Variants in TRPM1 observed in about 807,000 individuals in gnomAD.
TRPM1 encodes transient receptor potential cation channel subfamily M member 1, also known as TRPM1-203 APA Isoform, Intron 10.
TRPM1 carries 113 observed loss-of-function variants against 149.4 expected under a neutral mutation model. That is an observed-to-expected ratio of 0.76 (90% CI 0.65 to 0.88). TRPM1 has a LOEUF of 0.88. Ranked by LOEUF, TRPM1 falls within the 40% of genes least tolerant of loss-of-function variation. The pLI, the probability that TRPM1 is intolerant of heterozygous loss-of-function variation, is 0.00. For missense variants in TRPM1, 1,976 were observed against 2,038.7 expected, an observed-to-expected ratio of 0.97 and a Z score of 0.59; for synonymous variants, 741 against 759.5, an observed-to-expected ratio of 0.98 and a Z score of 0.40.
chr15:31,084,356 C>T (rs1313770920), intron 1 of TRPM1, among the ~76,000 whole-genome samples: 2 of 152,158 alleles, frequency 1.3e-5, no homozygotes, highest in Admixed American at 1.3e-4. Flanking sequence ...AGCAGTCACT[C>T]CTCATTCCTC....
intron 8 of TRPM1, 167 bp from the exon 9 acceptor site, chr15:31,062,869 T>A (rs1017992802): frequency 9.9e-7 from 1 of 1,009,332 alleles, no homozygotes; most frequent in South Asian, 1.4e-5. Flanking sequence ...TTGTCCTAAA[T>A]TCCAGCTTTG....
rs2033156144 is a variant in TRPM1, at chr15:31,032,829, G to T, written c.2812C>A (p.Leu938Ile). Reference sequence around the variant, plus strand: ...ATGTAGGGCTGGTTCTGTAGGCGAAGAATTGCTCCAATCATGAATGTGGAA... The same window carrying T: ...ATGTAGGGCTGGTTCTGTAGGCGAATAATTGCTCCAATCATGAATGTGGAA... Reference protein sequence around the residue: ...AISTFMIGAILRLQNQPYMGY... With the variant: ...AISTFMIGAIIRLQNQPYMGY... The change falls in exon 22 of 28, where the codon CTT becomes ATT. Residue 938 changes from leucine to isoleucine, a missense_variant. Leu to Ile is a conservative substitution (Grantham distance 5, BLOSUM62 2). This residue lies in a region of TRPM1 where 1,332 missense variants were observed against 1,347.1 expected (regional missense o/e 0.99). Transcript: ENST00000256552. 6.2e-7 allele frequency: 1 copy of T among 1,614,208 alleles called. No individual in the cohort carries two copies. Among genetic ancestry groups the T allele is most frequent in the East Asian group, 2.2e-5 (1 of 44,884 alleles).
chr15:31,079,974 C>A (rs1192052234), intron 2 of TRPM1, among the ~76,000 whole-genome samples: 1 of 152,120 alleles, frequency 6.6e-6, no homozygotes, highest in Non-Finnish European at 1.5e-5. Flanking sequence ...CTTGAAGGGG[C>A]TCCCAGTGGC....
In TRPM1 at chr15:31,101,609, C is replaced by T. The variant is rs963528930; in HGVS notation, c.-84+48G>A. 7 of 975,690 alleles carry T rather than the reference C, an allele frequency of 7.2e-6. No individual in the cohort carries two copies. In the African/African-American group the frequency reaches 1.2e-4, roughly 17 times the overall value. The allele number at this position is 975,690 out of a possible 1,614,324, so 60.4% of individuals were successfully genotyped here. A position where few individuals can be genotyped will look rare whatever the true frequency, so the allele number is the denominator to read the frequency against. On this transcript the variant is annotated intron_variant, in intron 1 of 27. Coordinates refer to ENST00000256552, the MANE Select transcript of TRPM1 (RefSeq NM_001252024.2). ...TTGAGTTTACCCACACCTGAGGATACCTGCACCTGACCTCCCTTCACCTGT... is the reference window on the plus strand; with the variant it reads ...TTGAGTTTACCCACACCTGAGGATATCTGCACCTGACCTCCCTTCACCTGT...
chr15:31,091,272 C>T (rs900889385), intron 1 of TRPM1, among the ~76,000 whole-genome samples: 1 of 152,224 alleles, frequency 6.6e-6, no homozygotes, highest in Non-Finnish European at 1.5e-5. Flanking sequence ...GAACTCACAG[C>T]CCTAACAGTG....
intron 10 of TRPM1, 23 bp from the exon 11 acceptor site, chr15:31,060,667 T>C (rs1473609585): frequency 1.2e-6 from 2 of 1,606,674 alleles, no homozygotes; most frequent in African/African-American, 2.7e-5. Context: ...GAAACCGGAA[T>C]GATTTTTCAC....
chr15:31,090,223 T>G (rs543027119), intron 1 of TRPM1, among the ~76,000 whole-genome samples: 185 of 152,262 alleles, frequency 1.2e-3, no homozygotes, highest in Non-Finnish European at 1.4e-3. Context: ...ATGGGAGTCT[T>G]TTTGAGCCAT....
At chr15:31,113,197 G>GC (rs1363682636) in intron 1 of TRPM1, among the ~76,000 whole-genome samples, 6 of 152,164 alleles carry the variant, frequency 3.9e-5, no homozygotes, top group Admixed American at 2.6e-4. Flanking sequence ...TCCAGCTGGT[G>GC]AATGGTAACT....
intron 1 of TRPM1, among the ~76,000 whole-genome samples, chr15:31,112,563 C>T (rs2035704876): frequency 6.6e-6 from 1 of 152,166 alleles, no homozygotes; most frequent in African/African-American, 2.4e-5. Context: ...TCATGGTGCC[C>T]AGCTCCTTCC....
chr15:31,026,994 G>C lies in TRPM1; in HGVS notation c.3417C>G (p.Ile1139Met), dbSNP rs772795488. 2 of 1,614,174 alleles carry C rather than the reference G, an allele frequency of 1.2e-6. No homozygotes were observed. Among genetic ancestry groups the C allele is most frequent in the Non-Finnish European group, 1.7e-6 (2 of 1,180,038 alleles). ...LPPPMIILSH[I>M]YIIIMRLSGR... Reference sequence around the variant, plus strand: ...CGCTGAGACGCATAATGATGATGTAGATGTGGCTTAAAATGATCATCGGTG... The same window carrying C: ...CGCTGAGACGCATAATGATGATGTACATGTGGCTTAAAATGATCATCGGTG... The change falls in exon 26 of 28, where the codon ATC (isoleucine) becomes ATG (methionine). Residue 1139 changes from isoleucine to methionine, a missense_variant. Around this residue, in one of 3 missense-constraint regions of TRPM1, gnomAD observed 72 missense variants for 112.7 expected, o/e 0.64. Coordinates refer to ENST00000256552, the MANE Select transcript of TRPM1 (RefSeq NM_001252024.2).
chr15:31,106,657 G>A (rs1438092586), upstream of TRPM1, among the ~76,000 whole-genome samples: 1 of 152,102 alleles, frequency 6.6e-6, no homozygotes, highest in Admixed American at 6.5e-5. Context: ...ATCCCTGAGT[G>A]GATGCATGAG....
intron 11 of TRPM1, among the ~76,000 whole-genome samples, chr15:31,055,540 C>T (rs567563745): frequency 6.6e-6 from 1 of 152,262 alleles, no homozygotes; most frequent in East Asian, 1.9e-4. Context: ...AGCAGGAGGC[C>T]ACACATCCCC....
intron 26 of TRPM1, 83 bp from the exon 27 acceptor site, chr15:31,026,354 TTTAA>T: frequency 6.5e-7 from 1 of 1,536,852 alleles, no homozygotes; most frequent in Admixed American, 1.8e-5. Flanking sequence ...ACAGCCCCAC[TTTAA>T]TTAAGCTCTC....
intron 1 of TRPM1, among the ~76,000 whole-genome samples, chr15:31,110,156 A>G (rs949630446): frequency 6.6e-6 from 1 of 152,248 alleles, no homozygotes. Flanking sequence ...CACTACTACT[A>G]CTAGCTTAGT....
Position 31,036,141 on chromosome 15 carries a change from A to T in TRPM1, c.2572-467T>A, listed in dbSNP as rs144889529. Among the ~76,000 whole-genome samples, 669 of 151,986 alleles carry T rather than the reference A, an allele frequency of 4.4e-3. 10 individuals are homozygous for T. Among genetic ancestry groups the T allele is most frequent in the African/African-American group, 0.015 (631 of 41,422 alleles). ...GTTGCCCACCCAGATATGCGAGCTGACCCTAGAGTCCCCTCAGTTACTGGT... is the reference window on the plus strand; with the variant it reads ...GTTGCCCACCCAGATATGCGAGCTGTCCCTAGAGTCCCCTCAGTTACTGGT... On this transcript the variant is annotated intron_variant, in intron 20 of 27. Transcript: ENST00000256552.
chr15:31,127,857 C>T (rs554111902), intron 1 of TRPM1, among the ~76,000 whole-genome samples: 1 of 152,284 alleles, frequency 6.6e-6, no homozygotes, highest in East Asian at 1.9e-4. Context: ...GGACGCGAAC[C>T]AGTGGGGTTT....
chr15:31,116,601 T>TGAAA (rs2035800210), intron 1 of TRPM1, among the ~76,000 whole-genome samples: 2 of 61,662 alleles, frequency 3.2e-5, no homozygotes, highest in Admixed American at 3.5e-4. Context: ...AAACTCCATC[T>TGAAA]GAAATAAATA....
intron 1 of TRPM1, among the ~76,000 whole-genome samples, chr15:31,147,252 C>T (rs1009368788): frequency 3.3e-5 from 5 of 152,226 alleles, no homozygotes; most frequent in Admixed American, 6.5e-5. Flanking sequence ...CTGTGCTATG[C>T]GCACACGTTT....
rs146279959 is a variant in TRPM1 at position 31,146,215 on chromosome 15, G to C, written c.54+14691C>G. 8.5e-4 allele frequency among the ~76,000 whole-genome samples: 129 copies of C among 152,316 alleles called. 1 individual carries two copies. The highest frequency in any genetic ancestry group is 3.0e-3 in the African/African-American group (126 of 41,588). On this transcript the variant is annotated intron_variant, in intron 1 of 26. Transcript: ENST00000542188. Reference sequence around the variant, plus strand: ...CAAATGATCCCTTTTCAGCTGGAATGACAAAAACTCAAAGAAATGCATTAT... The same window carrying C: ...CAAATGATCCCTTTTCAGCTGGAATCACAAAAACTCAAAGAAATGCATTAT...
Sources: allele counts gnomAD v4.1 joint callset (sites outside exome capture counted in the v4.1 genomes callset), GRCh38; gene constraint gnomAD v4.1.1; regional missense constraint gnomAD v4.1.1; transcripts MANE v1.5; gene names NCBI Gene and HGNC (gene_info 2026-07-23, HGNC 2026-07-21).